MAF: variants seen among roughly 807,000 people sequenced by gnomAD.
The protein encoded by MAF is MAF bZIP transcription factor, also known as transcription factor Maf.
MAF carries 10 observed loss-of-function variants against 22.0 expected under a neutral mutation model. That is an observed-to-expected ratio of 0.45 (90% CI 0.28 to 0.77). MAF has a LOEUF of 0.77. Ranked by LOEUF, MAF falls within the 30% of genes least tolerant of loss-of-function variation. The pLI, the probability that MAF is intolerant of heterozygous loss-of-function variation, is 0.12. For synonymous variants in MAF, 337 were observed against 255.8 expected, an observed-to-expected ratio of 1.32 and a Z score of -3.03; for missense variants, 544 against 548.4, an observed-to-expected ratio of 0.99 and a Z score of 0.08.
chr16:79,208,167 C>A, the MAF span, among the ~76,000 whole-genome samples: 1 of 152,174 alleles, frequency 6.6e-6, no homozygotes, highest in Non-Finnish European at 1.5e-5. Flanking sequence ...AGATTGATTG[C>A]ACAGTTCTCC....
At chr16:79,261,357 TG>T in the MAF span, among the ~76,000 whole-genome samples, 87,657 of 151,760 alleles carry the variant, frequency 0.58, 26,690 homozygotes, top group Non-Finnish European at 0.68. Flanking sequence ...TTCACCATGT[TG>T]GCCAGGCTGG....
chr16:79,469,304 T>C, the MAF span, among the ~76,000 whole-genome samples: 3 of 152,186 alleles, frequency 2.0e-5, no homozygotes, highest in African/African-American at 7.2e-5. Flanking sequence ...ATCTGTCCCT[T>C]TACAGAAAAA....
At chr16:79,490,722 T>C in the MAF span, among the ~76,000 whole-genome samples, 1 of 152,190 alleles carries the variant, frequency 6.6e-6, no homozygotes, top group African/African-American at 2.4e-5. Flanking sequence ...CTCTCAAAGT[T>C]CTATGCATTA....
chr16:79,404,874 CCTT>C, the MAF span, among the ~76,000 whole-genome samples: 1 of 152,196 alleles, frequency 6.6e-6, no homozygotes, highest in African/African-American at 2.4e-5. Context: ...TCGCTCCCCT[CCTT>C]CTCTCTCTCT....
At chr16:79,426,639 T>A in the MAF span, among the ~76,000 whole-genome samples, 5 of 152,190 alleles carry the variant, frequency 3.3e-5, no homozygotes, top group Non-Finnish European at 7.3e-5. Flanking sequence ...CGAACCAACA[T>A]TGGTGAGTCC....
At chr16:79,541,269 G>C in the MAF span, among the ~76,000 whole-genome samples, 1 of 152,164 alleles carries the variant, frequency 6.6e-6, no homozygotes, top group Non-Finnish European at 1.5e-5. Context: ...AGATTTAAGG[G>C]AAATCATCTT....
chr16:79,438,180 G>C, the MAF span, among the ~76,000 whole-genome samples: 6 of 152,090 alleles, frequency 3.9e-5, no homozygotes, highest in Admixed American at 2.6e-4. Context: ...GGCCCTTTGT[G>C]GGGGGTTCCC....
downstream of MAF, chr16:79,585,781 C>T: frequency 1.7e-6 from 1 of 583,326 alleles, no homozygotes; most frequent in Non-Finnish European, 3.0e-6. Context: ...TAGCAGCATT[C>T]CTTGTTTGCT....
chr16:79,596,461 A>C, intron 1 of MAF: 1 of 1,052,458 alleles, frequency 9.5e-7, no homozygotes, highest in Non-Finnish European at 1.1e-6. Context: ...ACTGTACACT[A>C]AGAAACTGAG....
At chr16:79,264,395 C>G in the MAF span, 1 of 152,194 alleles carries the variant, frequency 6.6e-6, no homozygotes, top group Non-Finnish European at 1.5e-5. Flanking sequence ...TAATCAATGG[C>G]CAAGTCATCA....
At chr16:79,538,210 G>C in the MAF span, among the ~76,000 whole-genome samples, 2 of 152,254 alleles carry the variant, frequency 1.3e-5, no homozygotes, top group African/African-American at 4.8e-5. Context: ...CCTATTTTAA[G>C]AATCAACAAA....
At chr16:79,348,292 A>G in the MAF span, among the ~76,000 whole-genome samples, 3 of 152,228 alleles carry the variant, frequency 2.0e-5, no homozygotes, top group Admixed American at 1.3e-4. Flanking sequence ...TCTTATGACC[A>G]CTTTGGAGAA....
At chr16:79,492,546 T>C in the MAF span, among the ~76,000 whole-genome samples, 3 of 151,956 alleles carry the variant, frequency 2.0e-5, no homozygotes, top group South Asian at 6.2e-4. Flanking sequence ...CAGAAATGCA[T>C]AGATAACAGT....
chr16:79,344,314 C>T, the MAF span, among the ~76,000 whole-genome samples: 1 of 152,208 alleles, frequency 6.6e-6, no homozygotes, highest in East Asian at 1.9e-4. Flanking sequence ...GGCGATTAGA[C>T]CCAAGTCACT....
At chr16:79,345,726 C>CAAAAAA in the MAF span, among the ~76,000 whole-genome samples, 6 of 68,350 alleles carry the variant, frequency 8.8e-5, no homozygotes, top group Non-Finnish European at 1.5e-4. Flanking sequence ...GACTCCGTCT[C>CAAAAAA]AAAAAAAAAA....
At chr16:79,405,875 T>C in the MAF span, among the ~76,000 whole-genome samples, 1 of 152,184 alleles carries the variant, frequency 6.6e-6, no homozygotes, top group East Asian at 1.9e-4. Flanking sequence ...CCATCTCATT[T>C]CCTCCCAGGC....
At chr16:79,264,356 TA>T in the MAF span, 1 of 152,242 alleles carries the variant, frequency 6.6e-6, no homozygotes, top group Non-Finnish European at 1.5e-5. Context: ...TGTGTTCTTT[TA>T]TCCAATCTTT....
At chr16:79,475,021 C>T in the MAF span, among the ~76,000 whole-genome samples, 151 of 152,346 alleles carry the variant, frequency 9.9e-4, no homozygotes, top group Non-Finnish European at 1.6e-3. Context: ...TTCTGTCTAT[C>T]GCTAACAGTA....
the MAF span, among the ~76,000 whole-genome samples, chr16:79,210,627 A>C: frequency 1.3e-5 from 2 of 152,296 alleles, no homozygotes; most frequent in Non-Finnish European, 2.9e-5. Flanking sequence ...CACATAAATA[A>C]TCATAAGATG....
Sources: gnomAD v4.1 joint callset for allele counts (sites outside exome capture counted in the v4.1 genomes callset) on GRCh38, gnomAD v4.1.1 for gene constraint, MANE v1.5 for transcripts, NCBI Gene and HGNC (gene_info 2026-07-23, HGNC 2026-07-21) for gene names.